The following TSC2 variants were observed in gnomAD, a reference collection of about 807,000 sequenced individuals.
TSC2 encodes the protein TSC complex subunit 2.
TSC2 carries 29 observed loss-of-function variants against 202.2 expected under a neutral mutation model. The observed-to-expected ratio is 0.14, with a 90% CI of 0.11 to 0.20. TSC2 has a LOEUF of 0.20. TSC2 is among the 10% of genes least tolerant of loss of function. TSC2 has a pLI of 1.00. For missense variants in TSC2, 2,429 were observed against 2,420.0 expected (o/e 1.00, Z -0.08); for synonymous variants, 1,349 against 1,044.0 (o/e 1.29, Z -5.63).
At chr16:2,084,906 T>G (rs761788109) in intron 34 of TSC2, 45 bp from the exon 35 acceptor site, 14 of 1,611,012 alleles carry the variant, frequency 8.7e-6, no homozygotes, top group Non-Finnish European at 1.2e-5. Context: ...GTGGCTGCCC[T>G]GGCCAGGCCC....
chr16:2,055,539 C>T lies in TSC2; in HGVS notation c.599+20C>T, dbSNP rs746167724. ...GGTTCAGTAAGAAAAGAATTGAGAT[C>T]CTGTTCTGATAATGGTCCTAAGTTC... is the stretch of plus-strand genomic sequence containing the variant. On this transcript the variant is annotated intron_variant, in intron 6 of 41. Transcript: ENST00000219476. 6.3e-7 allele frequency: 1 copy of T among 1,599,118 alleles called. No individual in the cohort carries two copies. Among genetic ancestry groups the T allele is most frequent in the Admixed American group, 1.7e-5 (1 of 59,984 alleles).
At chr16:2,078,783 C>T (rs547188827) in intron 26 of TSC2, 14 of 565,268 alleles carry the variant, frequency 2.5e-5, no homozygotes, top group Admixed American at 3.0e-5. Flanking sequence ...AGGGGGATGT[C>T]GGTCTCTAGC....
At chr16:2,081,985 A>G (rs2090200452) in intron 31 of TSC2, 187 bp downstream of exon 31, 1 of 846,146 alleles carries the variant, frequency 1.2e-6, no homozygotes, top group Non-Finnish European at 1.9e-6. Context: ...TGCCCTGCTC[A>G]GGAAGCTGGG....
chr16:2,078,789 C>G (rs991006819), intron 26 of TSC2: 8 of 578,948 alleles, frequency 1.4e-5, no homozygotes, highest in Admixed American at 3.0e-5. Flanking sequence ...ATGTCGGTCT[C>G]TAGCCTCCTG....
chr16:2,063,928 TCA>T, intron 14 of TSC2: 2 of 419,582 alleles, frequency 4.8e-6, no homozygotes, highest in Non-Finnish European at 9.0e-6. Context: ...ACACACACCC[TCA>T]CGCACACACG....
rs2091094853 is a variant in TSC2 at position 2,088,104 on chromosome 16, C to T, written c.5125C>T (p.Pro1709Ser). ...VAKIVSDRNLPFVARQMALHA... is the reference protein window; with the variant it reads ...VAKIVSDRNLSFVARQMALHA... ...CAAGATCGTGTCTGACCGCAACCTG[C>T]CCTTCGTGGCCCGCCAGATGGCCCT... is the stretch of plus-strand genomic sequence containing the variant. The change falls in exon 40 of 42, where the codon CCC (proline) becomes TCC (serine). Residue 1709 changes from proline (P) to serine (S), a missense_variant. Coordinates refer to ENST00000219476, the MANE Select transcript of TSC2 (RefSeq NM_000548.5). The T allele has an allele frequency of 6.2e-7, 1 of 1,612,960 alleles. No individual in the cohort carries two copies.
intron 37 of TSC2, among the ~76,000 whole-genome samples, 168 bp from the exon 38 acceptor site, chr16:2,086,564 C>G (rs2090821489): frequency 6.6e-6 from 1 of 152,182 alleles, no homozygotes; most frequent in Non-Finnish European, 1.5e-5. Context: ...GGCTTTGCGT[C>G]CCAAAGCCCT....
At chr16:2,058,262 G>A (rs1212550693) in intron 9 of TSC2, among the ~76,000 whole-genome samples, 1 of 152,046 alleles carries the variant, frequency 6.6e-6, no homozygotes, top group Non-Finnish European at 1.5e-5. Context: ...CCTCCACCAA[G>A]GGCTTGTGCA....
rs1042628888 is a variant in TSC2 at position 2,060,741 on chromosome 16, T to C, written c.1047T>C (p.Tyr349=). ...VLSITRLIKK[Y]RKELQVVAWD... Reference sequence around the variant, plus strand: ...CCATCACCAGGCTCATCAAGAAGTATAGGAAGGAGCTCCAGGTGGTGGCGT... The same window carrying C: ...CCATCACCAGGCTCATCAAGAAGTACAGGAAGGAGCTCCAGGTGGTGGCGT... Residue 349 remains tyrosine, a synonymous_variant, in exon 11 of 42, where the codon TAT becomes TAC. Coordinates refer to ENST00000219476, the MANE Select transcript of TSC2 (RefSeq NM_000548.5). 6.2e-7 allele frequency: 1 copy of C among 1,613,942 alleles called. No homozygotes were observed. Among genetic ancestry groups the C allele is most frequent in the South Asian group, 1.1e-5 (1 of 91,080 alleles).
At position 2,089,462 on chromosome 16, in the gene TSC2, G is replaced by GAAAT. The variant is rs766153620; in HGVS notation, c.*857_*860dup. ...AGCCCGCTGTACCTGAGGACTCGGG[G>GAAAT]AAATAAATTAGCATCTCAGAGGCTA... is the stretch of plus-strand genomic sequence containing the variant. On this transcript the variant is annotated 3_prime_UTR_variant, in exon 42 of 42. Transcript: ENST00000219476. 2.6e-5 allele frequency: 14 copies of GAAAT among 548,304 alleles called. No homozygotes were observed. In the Middle Eastern group the frequency reaches 2.4e-3, roughly 95 times the overall value. The allele number at this position is 548,304 out of a possible 1,614,324, so 34.0% of individuals were successfully genotyped here. A position where few individuals can be genotyped will look rare whatever the true frequency, so the allele number is the denominator to read the frequency against.
chr16:2,074,107 G>C, intron 21 of TSC2, 93 bp from the exon 22 acceptor site: 2 of 1,537,402 alleles, frequency 1.3e-6, no homozygotes, highest in Non-Finnish European at 8.9e-7. Context: ...AGCCTCGGCT[G>C]TTCTCCCGGT....
In TSC2 at chr16:2,048,631, A is replaced by G. The variant is rs1555494544; in HGVS notation, c.16A>G (p.Ser6Gly). Residue 6 changes from serine (S) to glycine (G), a missense_variant, in exon 2 of 42, where the codon AGC becomes GGC. Physicochemically the swap from Ser to Gly is moderately conservative, Grantham distance 56 (BLOSUM62 0). Transcript: ENST00000219476. MAKPT[S>G]KDSGLKEKFK... ...CTGGTCCACCATGGCCAAACCAACA[A>G]GCAAAGATTCAGGCTTGAAGGAGAA... 3 of 1,613,936 alleles carry G rather than the reference A, an allele frequency of 1.9e-6. No individual in the cohort carries two copies. The highest frequency in any genetic ancestry group is 2.5e-6 in the Non-Finnish European group (3 of 1,180,034).
Position 2,084,332 on chromosome 16 carries a change from C to T in TSC2, c.4110C>T (p.Pro1370=), listed in dbSNP as rs771107874. Residue 1370 remains proline (P), a synonymous_variant, in exon 34 of 42, where the codon CCC becomes CCT. Transcript: ENST00000219476. ...TCGTCTCCTCGGAGGGTGGCCGGCC[C>T]TCTGTGGACCTCTCCTTCCAGCCCT... is the stretch of plus-strand genomic sequence containing the variant. ...ERVVSSEGGR[P]SVDLSFQPSQ... is the part of the protein sequence containing the mutation. The T allele has an allele frequency of 3.1e-6, 5 of 1,612,766 alleles. No homozygotes were observed. The East Asian group carries it at 8.9e-5, about 29-fold the overall frequency.
chr16:2,080,528 C>A, intron 30 of TSC2, 151 bp downstream of exon 30: 1 of 885,970 alleles, frequency 1.1e-6, no homozygotes, highest in South Asian at 1.8e-5. Flanking sequence ...CTGTGGCCCA[C>A]GCTGGAACGC....
rs776541842 is a variant in TSC2 at position 2,086,864 on chromosome 16, C to T, written c.4982C>T (p.Thr1661Ile). 7 of 1,590,524 alleles carry T rather than the reference C, an allele frequency of 4.4e-6. No individual in the cohort carries two copies. The highest frequency in any genetic ancestry group is 8.5e-7 in the Non-Finnish European group (1 of 1,169,614). The change falls in exon 38 of 42, where the codon ACC becomes ATC. Residue 1661 changes from threonine (T) to isoleucine (I), a missense_variant. Transcript: ENST00000219476. ...NDSGEDFKLG[T>I]IKGQFNFVHV... ...TCCGGTGAGGACTTCAAGCTTGGCA[C>T]CATCAAGGTGAGTGAGGGGCCGTCA... is the stretch of plus-strand genomic sequence containing the variant.
At chr16:2,078,370 G>C (rs1204040818) in intron 26 of TSC2, 1 of 162,736 alleles carries the variant, frequency 6.1e-6, no homozygotes, top group African/African-American at 2.4e-5. Flanking sequence ...AGGCCAAGGG[G>C]TCCCATGGCC....
intron 2 of TSC2, 80 bp from the exon 3 acceptor site, chr16:2,050,320 C>G (rs1052421308): frequency 2.3e-6 from 3 of 1,306,846 alleles, no homozygotes; most frequent in Non-Finnish European, 3.3e-6. Flanking sequence ...CAGTGGGAGT[C>G]TTTAGGTGGT....
At position 2,061,808 on chromosome 16, in the gene TSC2, C is replaced by T. The variant is rs987075989; in HGVS notation, c.1120-63C>T. On this transcript the variant is annotated intron_variant, in intron 11 of 41. Transcript: ENST00000219476. ...CCATGCGGTGGGTGTGTAGCGAGGC[C>T]TCTGGTGCCAAGTCCATGTGGGGAG... The T allele has an allele frequency of 3.1e-6, 5 of 1,613,012 alleles. No individual in the cohort carries two copies. The African/African-American group carries it at 6.7e-5, about 22-fold the overall frequency.
chr16:2,083,960 T>G (rs2090450285), intron 33 of TSC2, 144 bp downstream of exon 33: 2 of 1,422,980 alleles, frequency 1.4e-6, no homozygotes, highest in East Asian at 2.5e-5. Context: ...GCACAGACGG[T>G]CTGCACTTTG....
Sources: allele counts gnomAD v4.1 joint callset (sites outside exome capture counted in the v4.1 genomes callset), GRCh38; gene constraint gnomAD v4.1.1; transcripts MANE v1.5; gene names NCBI Gene and HGNC (gene_info 2026-07-23, HGNC 2026-07-21).